PCSK5: variants seen among roughly 807,000 people sequenced by gnomAD.
The protein encoded by PCSK5 is prohormone convertase 5.
In PCSK5, 129 loss-of-function variants were observed where a neutral mutation model predicts 233.2. The ratio of observed to expected loss-of-function variants is 0.55; its 90% confidence interval spans 0.48 to 0.64. The LOEUF (loss-of-function observed/expected upper bound fraction) is 0.64. Among genes scored for constraint, PCSK5 ranks in the 30% least tolerant of loss-of-function variants. PCSK5 has a pLI of 0.00. For missense variants in PCSK5, 2,076 were observed against 2,430.1 expected (o/e 0.85, Z 3.06); for synonymous variants, 825 against 879.2 (o/e 0.94, Z 1.09).
chr9:76,049,757 T>G (rs1350824902), intron 5 of PCSK5, among the ~76,000 whole-genome samples: 2 of 152,214 alleles, frequency 1.3e-5, no homozygotes, highest in East Asian at 3.8e-4. Flanking sequence ...GCCTCCTATT[T>G]TCAGAAGTGT....
At chr9:75,974,962 G>T (rs1229691799) in intron 2 of PCSK5, among the ~76,000 whole-genome samples, 1 of 152,172 alleles carries the variant, frequency 6.6e-6, no homozygotes, top group African/African-American at 2.4e-5. Context: ...GATTCATAAA[G>T]CTAGAGCTTG....
chr9:75,965,862 T>G (rs1460523485), intron 2 of PCSK5, among the ~76,000 whole-genome samples: 1 of 152,178 alleles, frequency 6.6e-6, no homozygotes, highest in Non-Finnish European at 1.5e-5. Flanking sequence ...AGGGGATTCT[T>G]GGGAAGAACA....
intron 32 of PCSK5, among the ~76,000 whole-genome samples, chr9:76,326,487 G>A (rs1268345315): frequency 1.3e-5 from 2 of 152,124 alleles, no homozygotes; most frequent in African/African-American, 4.8e-5. Flanking sequence ...AGATAGTACA[G>A]ACACCTCTAA....
intron 3 of PCSK5, among the ~76,000 whole-genome samples, chr9:76,014,526 A>G (rs956608338): frequency 1.3e-5 from 2 of 152,202 alleles, no homozygotes; most frequent in Non-Finnish European, 2.9e-5. Context: ...AAGTTCAGCT[A>G]TATACCAAAA....
At chr9:76,190,259 C>T (rs1394264594) in intron 20 of PCSK5, among the ~76,000 whole-genome samples, 4 of 151,834 alleles carry the variant, frequency 2.6e-5, no homozygotes, top group Admixed American at 6.6e-5. Flanking sequence ...AACATTATAG[C>T]GCCATGCAAA....
chr9:76,224,673 G>T (rs1384434324), intron 20 of PCSK5, among the ~76,000 whole-genome samples: 4 of 152,252 alleles, frequency 2.6e-5, no homozygotes, highest in Non-Finnish European at 4.4e-5. Flanking sequence ...TTGGAGATGG[G>T]GTAATCTTTT....
intron 37 of PCSK5, among the ~76,000 whole-genome samples, chr9:76,355,512 C>A (rs1297594762): frequency 6.6e-6 from 1 of 151,994 alleles, no homozygotes; most frequent in Non-Finnish European, 1.5e-5. Flanking sequence ...AACATATATT[C>A]TTAAAATATA....
At chr9:76,256,264 A>G (rs1564138670) in intron 24 of PCSK5, among the ~76,000 whole-genome samples, 1 of 152,104 alleles carries the variant, frequency 6.6e-6, no homozygotes, top group East Asian at 1.9e-4. Flanking sequence ...CTATTACGCT[A>G]TTTCCCCCGG....
intron 22 of PCSK5, among the ~76,000 whole-genome samples, chr9:76,235,157 C>T (rs74746485): frequency 6.6e-6 from 1 of 152,112 alleles, no homozygotes; most frequent in Non-Finnish European, 1.5e-5. Context: ...TAATAAATAA[C>T]TGAATGAATT....
chr9:76,254,613 A>C (rs953483898), intron 24 of PCSK5, among the ~76,000 whole-genome samples: 1 of 152,104 alleles, frequency 6.6e-6, no homozygotes, highest in African/African-American at 2.4e-5. Flanking sequence ...AAGGAACTTG[A>C]CCCTTCTTTA....
At position 76,277,071 on chromosome 9, in the gene PCSK5, T is replaced by C. The variant is rs1298025081; in HGVS notation, c.3143-15162T>C. On this transcript the variant is annotated intron_variant, in intron 24 of 37. Transcript: ENST00000674117. ...GGTGAAACCCTGTCTCTACAAAAAA[T>C]ACAAAAAAAATTAGTGGGTGTGGTG... is the stretch of plus-strand genomic sequence containing the variant. Among the ~76,000 whole-genome samples the C allele has an allele frequency of 2.0e-5, 3 of 151,678 alleles. No individual in the cohort carries two copies. In the East Asian group the frequency reaches 5.8e-4, roughly 29 times the overall value.
intron 20 of PCSK5, among the ~76,000 whole-genome samples, chr9:76,192,776 AATTG>A (rs1385695685): frequency 6.6e-6 from 1 of 152,214 alleles, no homozygotes; most frequent in East Asian, 1.9e-4. Context: ...TTAAAATTCT[AATTG>A]ATAAGACAAT....
chr9:76,247,902 A>G (rs1398236990), intron 24 of PCSK5, among the ~76,000 whole-genome samples: 1 of 151,804 alleles, frequency 6.6e-6, no homozygotes, highest in Non-Finnish European at 1.5e-5. Context: ...CTCCTGCCTC[A>G]GCCTCCCAAG....
rs200914896 is a variant in PCSK5 at position 76,175,276 on chromosome 9, C to T, written c.1900+147C>T. The T allele has an allele frequency of 2.2e-5, 12 of 545,704 alleles. No homozygotes were observed. The African/African-American group carries it at 2.5e-4, about 11-fold the overall frequency. 33.8% of individuals were successfully genotyped at this position (545,704 alleles called of 1,614,324 possible). A position where few individuals can be genotyped will look rare whatever the true frequency, so the allele number is the denominator to read the frequency against. On this transcript the variant is annotated intron_variant, in intron 14 of 37. Coordinates refer to ENST00000674117, the MANE Select transcript of PCSK5 (RefSeq NM_001372043.1). ...GGAATGGAATGGAATGGAATGGAAT[C>T]GAATCGAATCGAATCGAATAGAATA...
At chr9:76,170,816 G>A (rs1163350527) in intron 13 of PCSK5, among the ~76,000 whole-genome samples, 3 of 152,230 alleles carry the variant, frequency 2.0e-5, no homozygotes, top group Admixed American at 1.3e-4. Flanking sequence ...GCACACAGCA[G>A]AACACAGGGA....
At chr9:76,060,224 C>A (rs923349788) in intron 5 of PCSK5, among the ~76,000 whole-genome samples, 1 of 152,138 alleles carries the variant, frequency 6.6e-6, no homozygotes, top group South Asian at 2.1e-4. Flanking sequence ...CTTTTAACTT[C>A]CCCCAAACTT....
At chr9:76,031,102 A>AT (rs1370754611) in intron 5 of PCSK5, among the ~76,000 whole-genome samples, 1 of 152,100 alleles carries the variant, frequency 6.6e-6, no homozygotes, top group South Asian at 2.1e-4. Context: ...GTTCTGCCTG[A>AT]TTTTTTTTCT....
chr9:76,340,613 C>A (rs1829802044), intron 35 of PCSK5, among the ~76,000 whole-genome samples: 1 of 143,256 alleles, frequency 7.0e-6, no homozygotes, highest in Non-Finnish European at 1.5e-5. Flanking sequence ...CCATTGCACT[C>A]CAGCGTGGCA....
intron 3 of PCSK5, among the ~76,000 whole-genome samples, chr9:75,999,441 A>T (rs1179869751): frequency 3.9e-5 from 6 of 152,230 alleles, no homozygotes; most frequent in Non-Finnish European, 8.8e-5. Context: ...TTAACAGCAA[A>T]CCAGTCATTA....
Sources: allele counts gnomAD v4.1 joint callset (sites outside exome capture counted in the v4.1 genomes callset), GRCh38; gene constraint gnomAD v4.1.1; transcripts MANE v1.5; gene names NCBI Gene and HGNC (gene_info 2026-07-23, HGNC 2026-07-21).